GULP1: variants seen among roughly 807,000 people sequenced by gnomAD.
GULP1 encodes GULP PTB domain containing engulfment adaptor 1.
GULP1 carries 19 observed loss-of-function variants against 40.9 expected under a neutral mutation model. That is an observed-to-expected ratio of 0.46 (90% confidence interval 0.32 to 0.68). The LOEUF (loss-of-function observed/expected upper bound fraction) is 0.68, where lower values mean the gene tolerates loss of function less well. GULP1 is among the 30% of genes least tolerant of loss of function. The pLI, the probability that GULP1 is intolerant of heterozygous loss-of-function variation, is 0.03. For synonymous variants in GULP1, 119 were observed against 117.6 expected (o/e 1.01, Z -0.08); for missense variants, 312 against 362.2 (o/e 0.86, Z 1.12).
chr2:188,360,665 G>T (rs1168478720), intron 1 of GULP1, among the ~76,000 whole-genome samples: 2 of 152,046 alleles, frequency 1.3e-5, no homozygotes, highest in African/African-American at 4.8e-5. Context: ...CCTTGAAAGT[G>T]CTCTTGTCAG....
At chr2:188,459,277 C>T (rs900161557) in intron 2 of GULP1, among the ~76,000 whole-genome samples, 2 of 152,118 alleles carry the variant, frequency 1.3e-5, no homozygotes, top group African/African-American at 4.8e-5. Context: ...CCAAACTGTT[C>T]TCCATAGTGG....
chr2:188,556,966 G>A lies in GULP1; in HGVS notation c.400-12273G>A, dbSNP rs535288411. Reference sequence around the variant, plus strand: ...GTGAACCTGGGAGGCGGAGCTTGCAGTGAGCCTAGATCGTGCCACTGCACT... The same window carrying A: ...GTGAACCTGGGAGGCGGAGCTTGCAATGAGCCTAGATCGTGCCACTGCACT... On this transcript the variant is annotated intron_variant, in intron 7 of 11. Transcript: ENST00000409830. 1.5e-4 allele frequency among the ~76,000 whole-genome samples: 23 copies of A among 151,994 alleles called. No homozygotes were observed. In the South Asian group the frequency reaches 4.6e-3, roughly 30 times the overall value.
At chr2:188,592,538 A>C (rs972225956) in intron 11 of GULP1, 11 of 152,054 alleles carry the variant, frequency 7.2e-5, no homozygotes, top group African/African-American at 2.7e-4. Context: ...TACTCAACTA[A>C]ATAAAGATTG....
intron 1 of GULP1, chr2:188,293,268 C>T (rs2034189938): frequency 6.6e-6 from 1 of 152,184 alleles, no homozygotes; most frequent in African/African-American, 2.4e-5. Flanking sequence ...TGCAATCAGA[C>T]ATTTTACATG....
chr2:188,333,244 TAA>T (rs750888192), intron 1 of GULP1, among the ~76,000 whole-genome samples: 8 of 136,852 alleles, frequency 5.8e-5, no homozygotes, highest in Non-Finnish European at 6.3e-5. Context: ...AGACCTTGTC[TAA>T]AAAAAAAAAA....
intron 1 of GULP1, among the ~76,000 whole-genome samples, chr2:188,329,076 T>C (rs2041178572): frequency 6.6e-6 from 1 of 152,016 alleles, no homozygotes; most frequent in Non-Finnish European, 1.5e-5. Context: ...TCACAGGTGG[T>C]CTCAGGCTGT....
At chr2:188,351,153 G>C (rs182849575) in intron 1 of GULP1, among the ~76,000 whole-genome samples, 1 of 151,588 alleles carries the variant, frequency 6.6e-6, no homozygotes. Context: ...AGTTTGAGTA[G>C]GACTTAAAAA....
intron 6 of GULP1, among the ~76,000 whole-genome samples, chr2:188,539,341 G>A (rs892735341): frequency 4.0e-5 from 6 of 151,822 alleles, no homozygotes; most frequent in African/African-American, 1.5e-4. Context: ...TCAGTATTTG[G>A]GAGCTATCGT....
intron 5 of GULP1, among the ~76,000 whole-genome samples, chr2:188,526,490 C>T (rs1049907108): frequency 7.2e-5 from 11 of 151,982 alleles, no homozygotes; most frequent in Non-Finnish European, 1.2e-4. Flanking sequence ...ATCAACATAT[C>T]TTCCTAAGAT....
At chr2:188,320,805 C>T (rs2039860234) in intron 1 of GULP1, among the ~76,000 whole-genome samples, 1 of 151,288 alleles carries the variant, frequency 6.6e-6, no homozygotes, top group Non-Finnish European at 1.5e-5. Context: ...CTAAAATTTG[C>T]AAAACTCAGT....
intron 1 of GULP1, among the ~76,000 whole-genome samples, chr2:188,349,990 G>A (rs1338337658): frequency 6.6e-6 from 1 of 151,974 alleles, no homozygotes; most frequent in Admixed American, 6.6e-5. Flanking sequence ...GATTTGTCTT[G>A]GCACCTTTGC....
At chr2:188,304,427 A>G (rs922768684) in intron 1 of GULP1, among the ~76,000 whole-genome samples, 1 of 152,168 alleles carries the variant, frequency 6.6e-6, no homozygotes, top group African/African-American at 2.4e-5. Context: ...TGTCCTAAGC[A>G]TCATGTTAAA....
In GULP1 at chr2:188,318,039, T is replaced by C. The variant is rs1264757197; in HGVS notation, c.-172+25873T>C. Reference sequence around the variant, plus strand: ...CCCTAATTGATGAGTGAAAAAACTTTTGATACCTGCCTAATCTTAGTTGGA... The same window carrying C: ...CCCTAATTGATGAGTGAAAAAACTTCTGATACCTGCCTAATCTTAGTTGGA... On this transcript the variant is annotated intron_variant, in intron 1 of 11. Coordinates refer to ENST00000409830, the MANE Select transcript of GULP1 (RefSeq NM_016315.4). Among the ~76,000 whole-genome samples the C allele has an allele frequency of 3.0e-4, 45 of 152,272 alleles. 1 individual carries two copies. Among genetic ancestry groups the C allele is most frequent in the Admixed American group, 2.9e-3 (45 of 15,272 alleles).
chr2:188,560,763 G>T (rs1696041504), intron 7 of GULP1, among the ~76,000 whole-genome samples: 1 of 152,188 alleles, frequency 6.6e-6, no homozygotes, highest in African/African-American at 2.4e-5. Context: ...AGAAGGCAAA[G>T]CAGGTGCAGC....
intron 1 of GULP1, among the ~76,000 whole-genome samples, chr2:188,345,537 AT>A (rs778391623): frequency 3.3e-5 from 5 of 152,342 alleles, no homozygotes; most frequent in South Asian, 4.1e-4. Context: ...AAATATGATC[AT>A]TGGATTGAGA....
intron 1 of GULP1, among the ~76,000 whole-genome samples, chr2:188,368,931 A>G (rs1295536387): frequency 2.5e-5 from 1 of 40,060 alleles, no homozygotes; most frequent in Non-Finnish European, 3.9e-5. Context: ...ATGTATATAT[A>G]TATGTGTGTA....
At chr2:188,528,794 C>T (rs773371185) in intron 5 of GULP1, among the ~76,000 whole-genome samples, 11 of 152,100 alleles carry the variant, frequency 7.2e-5, no homozygotes, top group African/African-American at 9.7e-5. Flanking sequence ...CTCTACATAT[C>T]TTCCCACAAA....
rs2034047678 is a variant in GULP1 at position 188,292,741 on chromosome 2, G to A, written c.-172+575G>A. On this transcript the variant is annotated intron_variant, in intron 1 of 11. Coordinates refer to ENST00000409830, the MANE Select transcript of GULP1 (RefSeq NM_016315.4). This position sits in a 1 kb window ranked among gnomAD's most constrained non-coding sequence, Gnocchi z 4.0. The stretch of plus-strand genomic sequence containing the variant: ...CGCGAAGCTCCGAGGCCGGGCCGCG[G>A]ATACTTTAAAGCTCAGAGCTGGGAG... 6.5e-6 allele frequency: 1 copy of A among 152,684 alleles called. No homozygotes were observed. The highest frequency in any genetic ancestry group is 2.1e-4 in the South Asian group (1 of 4,838). 9.5% of individuals were successfully genotyped at this position (152,684 alleles called of 1,614,324 possible).
chr2:188,460,761 G>A (rs924452925), intron 2 of GULP1, among the ~76,000 whole-genome samples: 16 of 152,140 alleles, frequency 1.1e-4, no homozygotes, highest in Admixed American at 2.6e-4. Context: ...GTTTGTCTCC[G>A]TTCAGTATGA....
Sources: allele counts gnomAD v4.1 joint callset (sites outside exome capture counted in the v4.1 genomes callset), GRCh38; gene constraint gnomAD v4.1.1; non-coding constraint Gnocchi (gnomAD v3.1); transcripts MANE v1.5; gene names NCBI Gene and HGNC (gene_info 2026-07-23, HGNC 2026-07-21).